Variants in HELB observed in about 807,000 individuals in gnomAD.
The protein encoded by HELB is DNA 5'-3' helicase B.
Under a neutral mutation model 101.7 loss-of-function variants are expected in HELB, and 96 were observed. The ratio of observed to expected loss-of-function variants is 0.94; its 90% CI spans 0.80 to 1.12. The LOEUF (loss-of-function observed/expected upper bound fraction) is 1.12, where lower values mean the gene tolerates loss of function less well. Among genes scored for constraint, HELB ranks in the 50% most tolerant of loss-of-function variants. HELB has a pLI of 0.00. For synonymous variants in HELB, 437 were observed against 459.7 expected (o/e 0.95, Z 0.63); for missense variants, 1,210 against 1,291.9 (o/e 0.94, Z 0.97).
At chr12:66,330,661 A>G (rs1411880329) in intron 11 of HELB, among the ~76,000 whole-genome samples, 1 of 148,172 alleles carries the variant, frequency 6.7e-6, no homozygotes, top group African/African-American at 2.5e-5. Context: ...TATATTATAT[A>G]TATAAGTATA....
chr12:66,322,551 G>A (rs370943127), intron 8 of HELB, among the ~76,000 whole-genome samples, 173 bp from the exon 9 acceptor site: 114 of 120,654 alleles, frequency 9.4e-4, no homozygotes, highest in Middle Eastern at 7.9e-3. Flanking sequence ...GGCAACAAGA[G>A]CGAGACGCTG....
At position 66,315,271 on chromosome 12, in the gene HELB, C is replaced by A. The variant is rs750874492; in HGVS notation, c.1888C>A (p.Pro630Thr). 7 of 1,606,550 alleles carry A rather than the reference C, an allele frequency of 4.4e-6. No homozygotes were observed. The South Asian group carries it at 5.6e-5, about 13-fold the overall frequency. ...GDIRQLPSIEPGNLLKDLFET... is the reference protein window; with the variant it reads ...GDIRQLPSIETGNLLKDLFET... ...CATTAGACAGTTACCCAGTATTGAA[C>A]CTGGTAACTTGCTGAAAGATCTTTT... is the stretch of plus-strand genomic sequence containing the variant. Residue 630 changes from proline (P) to threonine (T), a missense_variant, in exon 6 of 13, where the codon CCT (proline) becomes ACT (threonine). Physicochemically the swap from Pro to Thr is conservative, Grantham distance 38. This residue lies in a region of HELB where 740 missense variants were observed against 728.8 expected (regional missense o/e 1.02). Transcript: ENST00000247815.
intron 10 of HELB, among the ~76,000 whole-genome samples, chr12:66,324,719 A>G (rs2053715441): frequency 6.6e-6 from 1 of 152,258 alleles, no homozygotes; most frequent in Non-Finnish European, 1.5e-5. Context: ...ATAGACTTCA[A>G]AATAAGAAAT....
intron 13 of HELB, chr12:66,343,230 T>C (rs1021156659): frequency 6.6e-6 from 1 of 152,214 alleles, no homozygotes; most frequent in Non-Finnish European, 1.5e-5. Flanking sequence ...TTGGGAACTA[T>C]TGCCATTTTA....
At chr12:66,318,550 ATTAT>A in intron 6 of HELB, 84 bp from the exon 7 acceptor site, 1 of 1,210,192 alleles carries the variant, frequency 8.3e-7, no homozygotes, top group Admixed American at 2.6e-5. Flanking sequence ...ATAGATACTA[ATTAT>A]TATAAGGACA....
In HELB at chr12:66,331,148, T is replaced by G. The variant is rs1021890310; in HGVS notation, c.2671-6T>G. 2 of 1,591,152 alleles carry G rather than the reference T, an allele frequency of 1.3e-6. No individual in the cohort carries two copies. Among genetic ancestry groups the G allele is most frequent in the African/African-American group, 2.7e-5 (2 of 74,030 alleles). On this transcript the variant is annotated splice_region_variant and splice_polypyrimidine_tract_variant and intron_variant, in intron 11 of 12. Transcript: ENST00000247815. Reference sequence around the variant, plus strand: ...TTTAGTCTTCACACCATATTTTTCCTGCCAGGGGTCCGAGGAGCAAACAGT... The same window carrying G: ...TTTAGTCTTCACACCATATTTTTCCGGCCAGGGGTCCGAGGAGCAAACAGT...
chr12:66,338,214 T>C (rs1287229588), downstream of HELB: 8 of 681,130 alleles, frequency 1.2e-5, no homozygotes, highest in Admixed American at 1.9e-4. Context: ...AGTTTTAAGG[T>C]ATTTGTGTTA....
chr12:66,310,176 G>C lies in HELB; in HGVS notation c.1248G>C (p.Val416=), dbSNP rs1021774650. Residue 416 remains valine (V), a synonymous_variant, in exon 4 of 13, where the codon GTG becomes GTC. Coordinates refer to ENST00000247815, the MANE Select transcript of HELB (RefSeq NM_001370285.1). ...ATGAAGTAAGATTAGAAAATCCTGT[G>C]GATGTTGTGGACACACAGGACAATG... ...KPDEVRLENP[V]DVVDTQDNGD... The C allele has an allele frequency of 6.2e-7, 1 of 1,614,174 alleles. No homozygotes were observed. The highest frequency in any genetic ancestry group is 1.7e-5 in the Admixed American group (1 of 60,028).
rs781302648 is a variant in HELB, at chr12:66,302,607, GCCAGGT to G, written c.6_11del (p.Arg3_Ser4del). The G allele has an allele frequency of 1.9e-6, 3 of 1,613,046 alleles. No homozygotes were observed. The South Asian group carries it at 3.3e-5, about 18-fold the overall frequency. Reference sequence around the variant, plus strand: ...TTGGGTTGAGTTCAGGAGAAGCATGGCCAGGTCGAGTCCGTACCTGCGCCAACTTCA... The same window carrying G: ...TTGGGTTGAGTTCAGGAGAAGCATGGCGAGTCCGTACCTGCGCCAACTTCA... On this transcript the variant is annotated inframe_deletion, in exon 1 of 13. Transcript: ENST00000247815.
Position 66,328,176 on chromosome 12 carries a change from G to A in HELB, c.2671-2978G>A, listed in dbSNP as rs1453946429. 2.6e-5 allele frequency among the ~76,000 whole-genome samples: 4 copies of A among 152,210 alleles called. No individual in the cohort carries two copies. In the East Asian group the frequency reaches 7.7e-4, roughly 29 times the overall value. On this transcript the variant is annotated intron_variant, in intron 11 of 12. Transcript: ENST00000247815. ...CACCTCCTAGGGCATTTGAAGGCCT[G>A]CACTATCCAGTATGTTAGCCACTAG... is the stretch of plus-strand genomic sequence containing the variant.
chr12:66,325,924 A>G (rs917992544), intron 11 of HELB, among the ~76,000 whole-genome samples: 3 of 152,138 alleles, frequency 2.0e-5, no homozygotes, highest in Admixed American at 1.3e-4. Context: ...GAATGATACT[A>G]CAGAGAGTTT....
rs1395376822 is a variant in HELB, at chr12:66,318,714, C to A, written c.2077C>A (p.Gln693Lys). Residue 693 changes from glutamine to lysine, a missense_variant, in exon 7 of 13, where the codon CAA (glutamine) becomes AAA (lysine). Physicochemically the swap from Gln to Lys is moderately conservative, Grantham distance 53. Coordinates refer to ENST00000247815, the MANE Select transcript of HELB (RefSeq NM_001370285.1). ...SDNPTLPISI[Q>K]DKTFIFVRLP... ...TAATCCAACATTACCCATCTCAATT[C>A]AAGATAAGACATTTATTTTTGTCAG... The A allele has an allele frequency of 6.2e-7, 1 of 1,610,138 alleles. No individual in the cohort carries two copies. The highest frequency in any genetic ancestry group is 8.5e-7 in the Non-Finnish European group (1 of 1,178,766).
rs372627618 is a variant in HELB at position 66,323,977 on chromosome 12, T to C, written c.2298-6T>C. The C allele has an allele frequency of 6.9e-6, 11 of 1,583,174 alleles. No individual in the cohort carries two copies. In the African/African-American group the frequency reaches 1.5e-4, roughly 21 times the overall value. Reference sequence around the variant, plus strand: ...TTTGATTATATATTATCATTTTCTATCCCAGAGACCATCAGAGTAGACTTG... The same window carrying C: ...TTTGATTATATATTATCATTTTCTACCCCAGAGACCATCAGAGTAGACTTG... On this transcript the variant is annotated splice_polypyrimidine_tract_variant and splice_region_variant and intron_variant, in intron 9 of 12. Transcript: ENST00000247815.
intron 7 of HELB, among the ~76,000 whole-genome samples, chr12:66,320,891 A>G (rs1470090938): frequency 1.3e-5 from 2 of 152,222 alleles, no homozygotes; most frequent in Non-Finnish European, 2.9e-5. Context: ...AATACGTTGT[A>G]CATATTGATC....
At chr12:66,305,291 C>T in intron 2 of HELB, 141 bp downstream of exon 2, 1 of 603,100 alleles carries the variant, frequency 1.7e-6, no homozygotes, top group Non-Finnish European at 2.8e-6. Flanking sequence ...TTGGAGTATG[C>T]CATTGACATT....
chr12:66,325,835 T>G (rs759003488), intron 11 of HELB, among the ~76,000 whole-genome samples: 1 of 152,184 alleles, frequency 6.6e-6, no homozygotes, highest in African/African-American at 2.4e-5. Flanking sequence ...GTATCCTCTC[T>G]CTCCATCTTT....
At position 66,315,224 on chromosome 12, in the gene HELB, T is replaced by C; in HGVS notation, c.1859-18T>C. On this transcript the variant is annotated intron_variant, in intron 5 of 12. Coordinates refer to ENST00000247815, the MANE Select transcript of HELB (RefSeq NM_001370285.1). ...TTTCTCAGAGTAAGTCTTGCTACTG[T>C]ATCTTTTTTTCTTTTAGGTGACATT... 6.5e-7 allele frequency: 1 copy of C among 1,533,660 alleles called. No homozygotes were observed. The highest frequency in any genetic ancestry group is 8.8e-7 in the Non-Finnish European group (1 of 1,138,158).
At chr12:66,304,439 G>A (rs946497009) in intron 1 of HELB, among the ~76,000 whole-genome samples, 2 of 152,204 alleles carry the variant, frequency 1.3e-5, no homozygotes, top group East Asian at 3.8e-4. Context: ...AAGAGTAGCA[G>A]AGAGGGGACT....
chr12:66,309,637 T>G, intron 3 of HELB, 69 bp from the exon 4 acceptor site: 3 of 1,063,164 alleles, frequency 2.8e-6, no homozygotes, highest in Non-Finnish European at 4.0e-6. Context: ...TTTAAAAAAT[T>G]ATTAATAAAG....
Sources: gnomAD v4.1 joint callset for allele counts (sites outside exome capture counted in the v4.1 genomes callset) on GRCh38, gnomAD v4.1.1 for gene constraint, gnomAD v4.1.1 regional missense constraint, MANE v1.5 for transcripts, NCBI Gene and HGNC (gene_info 2026-07-23, HGNC 2026-07-21) for gene names.